The following IKBKB variants were observed in gnomAD, a reference collection of about 807,000 sequenced individuals.
The protein encoded by IKBKB is inhibitor of nuclear factor kappa B kinase subunit beta.
A neutral mutation model predicts 113.6 loss-of-function variants in IKBKB; 42 were observed. The ratio of observed to expected loss-of-function variants is 0.37; its 90% CI spans 0.29 to 0.48. IKBKB has a LOEUF of 0.48. IKBKB is among the 20% of genes least tolerant of loss of function. The probability of loss-of-function intolerance (pLI) is 0.99; values close to 1 mark genes in which losing one functional copy is unlikely to be tolerated. For missense variants in IKBKB, 673 were observed against 939.7 expected (o/e 0.72, Z 3.71); for synonymous variants, 296 against 361.3 (o/e 0.82, Z 2.05).
Position 42,331,608 on chromosome 8 carries a change from C to T in IKBKB, c.*629C>T. 5.1e-6 allele frequency: 3 copies of T among 587,458 alleles called. No individual in the cohort carries two copies. The highest frequency in any genetic ancestry group is 4.0e-5 in the South Asian group (2 of 49,436). 36.4% of individuals were successfully genotyped at this position (587,458 alleles called of 1,614,324 possible). ...GCTGCTAAAATTGTGTTTTTACCTA[C>T]TACTTTGGTGGTTGTCCTCTTTTCG... On this transcript the variant is annotated 3_prime_UTR_variant, in exon 22 of 22. Transcript: ENST00000520810.
intron 7 of IKBKB, 47 bp from the exon 8 acceptor site, chr8:42,308,854 C>T: frequency 1.3e-6 from 2 of 1,593,820 alleles, no homozygotes; most frequent in East Asian, 2.2e-5. Flanking sequence ...CTGCCGTGGT[C>T]CCCCCAGAGA....
intron 20 of IKBKB, among the ~76,000 whole-genome samples, chr8:42,327,697 A>G (rs1182545510): frequency 2.8e-5 from 4 of 144,600 alleles, no homozygotes; most frequent in African/African-American, 7.8e-5. Flanking sequence ...CTATGGCACG[A>G]TCTCAGCTCA....
chr8:42,278,997 A>G (rs1381897407), intron 2 of IKBKB, among the ~76,000 whole-genome samples: 2 of 147,744 alleles, frequency 1.4e-5, no homozygotes, highest in Non-Finnish European at 3.0e-5. Flanking sequence ...TCTGTCTGAG[A>G]AAAAAAAAAA....
Position 42,316,755 on chromosome 8 carries a change from C to T in IKBKB, c.976C>T (p.Pro326Ser), listed in dbSNP as rs752371287. Reference sequence around the variant, plus strand: ...GGTCACGGGCACCATCCACACCTACCCTGTGACAGAGGATGAGAGTCTGCA... The same window carrying T: ...GGTCACGGGCACCATCCACACCTACTCTGTGACAGAGGATGAGAGTCTGCA... ...NMVTGTIHTYPVTEDESLQSL... is the reference protein window; with the variant it reads ...NMVTGTIHTYSVTEDESLQSL... Residue 326 changes from proline (P) to serine (S), a missense_variant, in exon 11 of 22, where the codon CCT becomes TCT. Physicochemically the swap from Pro to Ser is moderately conservative, Grantham distance 74. Around this residue, in one of 2 missense-constraint regions of IKBKB, gnomAD observed 506 missense variants for 638.7 expected, o/e 0.79. Transcript: ENST00000520810. The surrounding 1 kb of genome is among the most constrained non-coding windows in gnomAD (Gnocchi z 4.5). 23 of 1,613,956 alleles carry T rather than the reference C, an allele frequency of 1.4e-5. No individual in the cohort carries two copies. Among genetic ancestry groups the T allele is most frequent in the Non-Finnish European group, 1.8e-5 (21 of 1,180,004 alleles).
chr8:42,314,590 C>T (rs1289071159), intron 9 of IKBKB, among the ~76,000 whole-genome samples, 161 bp downstream of exon 9: 1 of 152,058 alleles, frequency 6.6e-6, no homozygotes, highest in Non-Finnish European at 1.5e-5. Flanking sequence ...GCCTGGCCAA[C>T]ATGGTGAAAC....
intron 5 of IKBKB, among the ~76,000 whole-genome samples, chr8:42,295,935 G>A (rs1200037782): frequency 2.0e-5 from 3 of 152,128 alleles, no homozygotes; most frequent in African/African-American, 4.8e-5. Flanking sequence ...ATGTATTTAA[G>A]TTACACATAA....
In IKBKB at chr8:42,317,600, A is replaced by G. The variant is rs1304993193; in HGVS notation, c.1126-57A>G. On this transcript the variant is annotated intron_variant, in intron 11 of 21. Transcript: ENST00000520810. ...AAAGCTGTGGAACTTCTTCATTATC[A>G]GTTAGAAAAGAGAGGGTTGGATCCA... 2.7e-6 allele frequency: 3 copies of G among 1,126,800 alleles called. No homozygotes were observed. The Admixed American group carries it at 5.1e-5, about 19-fold the overall frequency. 69.8% of individuals were successfully genotyped at this position (1,126,800 alleles called of 1,614,324 possible).
intron 7 of IKBKB, among the ~76,000 whole-genome samples, chr8:42,307,648 G>C (rs530256488): frequency 6.6e-6 from 1 of 152,280 alleles, no homozygotes; most frequent in African/African-American, 2.4e-5. Flanking sequence ...GTCTCACAGA[G>C]GGCTGTGATT....
intron 19 of IKBKB, chr8:42,325,182 A>C: frequency 3.1e-6 from 3 of 979,868 alleles, no homozygotes; most frequent in Non-Finnish European, 3.6e-6. Context: ...CTGTGAGCTG[A>C]GGAGGCTCAG....
In IKBKB at chr8:42,293,477, G is replaced by A. The variant is rs139712776; in HGVS notation, c.353G>A (p.Arg118Gln). Reference protein sequence around the residue: ...LNQFENCCGLREGAILTLLSD... With the variant: ...LNQFENCCGLQEGAILTLLSD... ...CAGTTTGAGAACTGCTGTGGTCTGC[G>A]GGAAGGTGCCATCCTCACCTTGCTG... The change falls in exon 5 of 22, where the codon CGG (arginine) becomes CAG (glutamine). Residue 118 changes from arginine (R) to glutamine (Q), a missense_variant. This residue lies in a region of IKBKB where 167 missense variants were observed against 301.0 expected (regional missense o/e 0.55). Transcript: ENST00000520810. 3.7e-5 allele frequency: 60 copies of A among 1,614,032 alleles called. No individual in the cohort carries two copies. The highest frequency in any genetic ancestry group is 4.7e-5 in the Non-Finnish European group (55 of 1,180,022).
At chr8:42,307,811 G>A (rs1816841629) in intron 7 of IKBKB, among the ~76,000 whole-genome samples, 1 of 152,212 alleles carries the variant, frequency 6.6e-6, no homozygotes. Context: ...CCCATAACCA[G>A]ACATAGAGGT....
intron 9 of IKBKB, among the ~76,000 whole-genome samples, chr8:42,314,933 ATCTCTTT>A (rs1427937819): frequency 6.6e-6 from 1 of 152,194 alleles, no homozygotes; most frequent in African/African-American, 2.4e-5. Context: ...CCTAGAAATC[ATCTCTTT>A]TCTAAGTTCA....
Position 42,322,050 on chromosome 8 carries a change from C to A in IKBKB, c.1739-4C>A, listed in dbSNP as rs751889336. 8 of 1,613,094 alleles carry A rather than the reference C, an allele frequency of 5.0e-6. No homozygotes were observed. In the Admixed American group the frequency reaches 1.3e-4, roughly 27 times the overall value. ...AGGAACTATGCTACCCTCCCTCTCT[C>A]CAGACCAGCGAACTGAGGGTGACAG... is the stretch of plus-strand genomic sequence containing the variant. On this transcript the variant is annotated splice_region_variant and splice_polypyrimidine_tract_variant and intron_variant, in intron 17 of 21. Transcript: ENST00000520810.
At position 42,316,717 on chromosome 8, in the gene IKBKB, A is replaced by G. The variant is rs141351312; in HGVS notation, c.938A>G (p.His313Arg). The change falls in exon 11 of 22, where the codon CAT becomes CGT. Residue 313 changes from histidine (H) to arginine (R), a missense_variant. Physicochemically the swap from His to Arg is conservative, Grantham distance 29. This residue lies in a region of IKBKB where 506 missense variants were observed against 638.7 expected (regional missense o/e 0.79). Coordinates refer to ENST00000520810, the MANE Select transcript of IKBKB (RefSeq NM_001556.3). This position sits in a 1 kb window ranked among gnomAD's most constrained non-coding sequence, Gnocchi z 4.5. Reference protein sequence around the residue: ...LDDILNLKLVHILNMVTGTIH... With the variant: ...LDDILNLKLVRILNMVTGTIH... ...ATCTGGGTTGTGTTGCAGCTGGTTCATATCTTGAACATGGTCACGGGCACC... is the reference window on the plus strand; with the variant it reads ...ATCTGGGTTGTGTTGCAGCTGGTTCGTATCTTGAACATGGTCACGGGCACC... The G allele has an allele frequency of 2.0e-5, 32 of 1,611,186 alleles. 1 individual carries two copies. In the African/African-American group the frequency reaches 3.9e-4, roughly 19 times the overall value.
intron 20 of IKBKB, among the ~76,000 whole-genome samples, chr8:42,327,640 T>C (rs919391088): frequency 6.7e-6 from 1 of 149,808 alleles, no homozygotes; most frequent in Non-Finnish European, 1.5e-5. Context: ...GCCTTTTTTT[T>C]TTTTTTTTTG....
chr8:42,326,991 A>G (rs538531772), intron 20 of IKBKB, among the ~76,000 whole-genome samples: 1 of 152,294 alleles, frequency 6.6e-6, no homozygotes, highest in Middle Eastern at 3.4e-3. Flanking sequence ...TGATAATTCA[A>G]GGTTTCTTCT....
At chr8:42,294,337 A>C (rs1201890457) in intron 5 of IKBKB, among the ~76,000 whole-genome samples, 1 of 152,192 alleles carries the variant, frequency 6.6e-6, no homozygotes, top group African/African-American at 2.4e-5. Context: ...TGTTTGCTCA[A>C]GTTTTTTTGG....
intron 2 of IKBKB, among the ~76,000 whole-genome samples, chr8:42,275,259 C>T (rs1808843755): frequency 6.6e-6 from 1 of 151,806 alleles, no homozygotes; most frequent in African/African-American, 2.4e-5. Context: ...GCCATCATGG[C>T]TCACTGTAGC....
At chr8:42,314,535 G>A in intron 9 of IKBKB, 106 bp downstream of exon 9, 1 of 765,652 alleles carries the variant, frequency 1.3e-6, no homozygotes, top group East Asian at 2.7e-5. Flanking sequence ...AACAGTTTGG[G>A]AGGCTGAGGC....
Sources: allele counts gnomAD v4.1 joint callset (sites outside exome capture counted in the v4.1 genomes callset), GRCh38; gene constraint gnomAD v4.1.1; regional missense constraint gnomAD v4.1.1; non-coding constraint Gnocchi (gnomAD v3.1); transcripts MANE v1.5; gene names NCBI Gene and HGNC (gene_info 2026-07-23, HGNC 2026-07-21).